Variants in IGSF21 observed in about 807,000 individuals in gnomAD.
IGSF21 encodes immunoglobulin superfamily member 21.
Under a neutral mutation model 46.8 loss-of-function variants are expected in IGSF21, and 28 were observed. That is an observed-to-expected ratio of 0.60 (90% CI 0.44 to 0.82). The LOEUF is 0.82. Among genes scored for constraint, IGSF21 ranks in the 40% least tolerant of loss-of-function variants. The pLI, the probability that IGSF21 is intolerant of heterozygous loss-of-function variation, is 0.00. For missense variants in IGSF21, 624 were observed against 665.5 expected (o/e 0.94, Z 0.69); for synonymous variants, 284 against 273.6 (o/e 1.04, Z -0.38).
In IGSF21 at chr1:18,210,364, C is replaced by A. The variant is rs137870514; in HGVS notation, c.71-17534C>A. Among the ~76,000 whole-genome samples, 27 of 152,260 alleles carry A rather than the reference C, an allele frequency of 1.8e-4. No individual in the cohort carries two copies. In the East Asian group the frequency reaches 4.4e-3, roughly 25 times the overall value. ...ACTTTCTCATAGGATTTTTGCATTGCAAAATCAAAATATGTTCCAGAGAGC... is the reference window on the plus strand; with the variant it reads ...ACTTTCTCATAGGATTTTTGCATTGAAAAATCAAAATATGTTCCAGAGAGC... On this transcript the variant is annotated intron_variant, in intron 1 of 9. Coordinates refer to ENST00000251296, the MANE Select transcript of IGSF21 (RefSeq NM_032880.5).
chr1:18,307,184 T>C (rs2085434958), intron 3 of IGSF21, among the ~76,000 whole-genome samples: 2 of 152,216 alleles, frequency 1.3e-5, no homozygotes, highest in South Asian at 2.1e-4. Context: ...TTCCTGGGCA[T>C]GTTGAGTATT....
At chr1:18,113,785 C>G (rs888468305) in intron 1 of IGSF21, 2 of 151,960 alleles carry the variant, frequency 1.3e-5, no homozygotes, top group Non-Finnish European at 2.9e-5. Context: ...TTGTTGGTTT[C>G]CTGAGACTGA....
At chr1:18,178,870 C>A (rs1045668592) in intron 1 of IGSF21, among the ~76,000 whole-genome samples, 2 of 152,204 alleles carry the variant, frequency 1.3e-5, no homozygotes, top group Non-Finnish European at 2.9e-5. Flanking sequence ...TATTCTCCGC[C>A]CTTCCTCTCT....
At chr1:18,223,579 C>G (rs2084532235) in intron 1 of IGSF21, among the ~76,000 whole-genome samples, 1 of 152,174 alleles carries the variant, frequency 6.6e-6, no homozygotes, top group African/African-American at 2.4e-5. Context: ...GTACGAGGAC[C>G]CAAACTGCCT....
intron 4 of IGSF21, among the ~76,000 whole-genome samples, chr1:18,342,122 C>T (rs915829200): frequency 6.7e-6 from 1 of 150,182 alleles, no homozygotes; most frequent in African/African-American, 2.5e-5. Flanking sequence ...TTGAGACAGT[C>T]TTGCTCTGTC....
rs1218106256 is a variant in IGSF21, at chr1:18,108,159, G to C, written c.31G>C (p.Val11Leu). 6.9e-7 allele frequency: 1 copy of C among 1,446,432 alleles called. No homozygotes were observed. The highest frequency in any genetic ancestry group is 9.1e-7 in the Non-Finnish European group (1 of 1,102,632). 89.6% of individuals were successfully genotyped at this position (1,446,432 alleles called of 1,614,324 possible). A position where few individuals can be genotyped will look rare whatever the true frequency, so the allele number is the denominator to read the frequency against. MRTAPSLRRC[V>L]CLLLAAILDL... Reference sequence around the variant, plus strand: ...AACCGCCCCGAGCCTCCGCCGCTGCGTCTGCCTGCTGCTCGCCGCGATCCT... The same window carrying C: ...AACCGCCCCGAGCCTCCGCCGCTGCCTCTGCCTGCTGCTCGCCGCGATCCT... The change falls in exon 1 of 10, where the codon GTC becomes CTC. Residue 11 changes from valine (V) to leucine (L), a missense_variant. Transcript: ENST00000251296.
chr1:18,208,397 T>TATATATATATATA (rs368652183), intron 1 of IGSF21, among the ~76,000 whole-genome samples: 1,422 of 92,486 alleles, frequency 0.015, 213 homozygotes, highest in Middle Eastern at 0.047. Flanking sequence ...ATATATATAT[T>TATATATATATATA]TTTTGAGACG....
intron 3 of IGSF21, among the ~76,000 whole-genome samples, chr1:18,301,771 C>T (rs1216270265): frequency 6.6e-6 from 1 of 152,160 alleles, no homozygotes; most frequent in African/African-American, 2.4e-5. Flanking sequence ...TGCTTGGTCC[C>T]TCCAAGTAGA....
chr1:18,225,405 C>T (rs546023337), intron 1 of IGSF21, among the ~76,000 whole-genome samples: 24 of 152,192 alleles, frequency 1.6e-4, no homozygotes, highest in South Asian at 6.2e-4. Context: ...TTGCCCTCCC[C>T]GCCACCGCCA....
At chr1:18,234,139 C>T (rs2084652664) in intron 2 of IGSF21, among the ~76,000 whole-genome samples, 1 of 152,132 alleles carries the variant, frequency 6.6e-6, no homozygotes, top group Admixed American at 6.5e-5. Context: ...CCTGGCTGCT[C>T]TTTGCTACTC....
chr1:18,359,694 T>C (rs2086079609), intron 4 of IGSF21, among the ~76,000 whole-genome samples: 1 of 152,184 alleles, frequency 6.6e-6, no homozygotes, highest in Non-Finnish European at 1.5e-5. Context: ...CAGAGTTTTA[T>C]GCTAAGCTCT....
intron 2 of IGSF21, among the ~76,000 whole-genome samples, chr1:18,231,821 G>T (rs1400904899): frequency 6.6e-6 from 1 of 152,058 alleles, no homozygotes; most frequent in Admixed American, 6.6e-5. Flanking sequence ...CCTGACAAGA[G>T]AATAGCAGTG....
chr1:18,309,941 G>A (rs868037805), intron 3 of IGSF21, among the ~76,000 whole-genome samples: 17 of 152,252 alleles, frequency 1.1e-4, no homozygotes, highest in Admixed American at 2.0e-4. Flanking sequence ...GCCAGCCGAC[G>A]AGGCCCTGGG....
chr1:18,180,712 A>G (rs2086849373), intron 1 of IGSF21, among the ~76,000 whole-genome samples: 1 of 152,198 alleles, frequency 6.6e-6, no homozygotes, highest in Non-Finnish European at 1.5e-5. Flanking sequence ...ACTTACTTAT[A>G]CAGAATTTAA....
chr1:18,209,380 T>A lies in IGSF21; in HGVS notation c.71-18518T>A, dbSNP rs936256906. Among the ~76,000 whole-genome samples the A allele has an allele frequency of 2.6e-5, 4 of 152,216 alleles. No homozygotes were observed. In the South Asian group the frequency reaches 8.3e-4, roughly 32 times the overall value. On this transcript the variant is annotated intron_variant, in intron 1 of 9. Coordinates refer to ENST00000251296, the MANE Select transcript of IGSF21 (RefSeq NM_032880.5). ...TTGGCCTGTCTCAATGCCTTTCCTA[T>A]CAGGAAGGCCAGGTGACCTGGGCCC...
chr1:18,376,710 G>T, intron 7 of IGSF21, 90 bp from the exon 8 acceptor site: 1 of 1,279,612 alleles, frequency 7.8e-7, no homozygotes, highest in Non-Finnish European at 1.1e-6. Context: ...AGAATGCTGT[G>T]CCACCCCTGG....
chr1:18,169,965 G>T (rs189482609), intron 1 of IGSF21, among the ~76,000 whole-genome samples: 9 of 152,072 alleles, frequency 5.9e-5, no homozygotes, highest in African/African-American at 2.2e-4. Flanking sequence ...ACAGAGCAGC[G>T]GTGCCAACAA....
chr1:18,277,613 C>G (rs34607790), intron 2 of IGSF21, among the ~76,000 whole-genome samples: 37,854 of 152,116 alleles, frequency 0.25, 5,208 homozygotes, highest in African/African-American at 0.37. Flanking sequence ...CAGAGCCCAA[C>G]TGGAAACTGT....
intron 3 of IGSF21, among the ~76,000 whole-genome samples, chr1:18,293,891 C>T (rs1471958745): frequency 6.6e-6 from 1 of 152,176 alleles, no homozygotes; most frequent in African/African-American, 2.4e-5. Context: ...CCATCTAGAA[C>T]ATTCCTGAGC....
Sources: gnomAD v4.1 joint callset for allele counts (sites outside exome capture counted in the v4.1 genomes callset) on GRCh38, gnomAD v4.1.1 for gene constraint, MANE v1.5 for transcripts, NCBI Gene and HGNC (gene_info 2026-07-23, HGNC 2026-07-21) for gene names.